Variants in KIAA1217 observed in about 807,000 individuals in gnomAD.
The protein encoded by KIAA1217 is sickle tail protein homolog.
In KIAA1217, 88 loss-of-function variants were observed where a neutral mutation model predicts 163.9. The observed-to-expected ratio is 0.54, with a 90% CI of 0.45 to 0.64. The LOEUF is 0.64. Ranked by LOEUF, KIAA1217 falls within the 30% of genes least tolerant of loss-of-function variation. KIAA1217 has a pLI of 0.00. For missense variants in KIAA1217, 2,372 were observed against 2,475.0 expected, an observed-to-expected ratio of 0.96 and a Z score of 0.88; for synonymous variants, 903 against 923.1, an observed-to-expected ratio of 0.98 and a Z score of 0.39.
chr10:23,920,039 G>A (rs372067398), intron 1 of KIAA1217, among the ~76,000 whole-genome samples: 1 of 152,296 alleles, frequency 6.6e-6, no homozygotes, highest in South Asian at 2.1e-4. Flanking sequence ...GTGACTTAAA[G>A]AGGCTTTGTC....
At chr10:23,916,461 T>A (rs1842635642) in intron 1 of KIAA1217, among the ~76,000 whole-genome samples, 1 of 152,196 alleles carries the variant, frequency 6.6e-6, no homozygotes. Flanking sequence ...TCACACCACT[T>A]TATATCTTCT....
At chr10:24,498,584 C>T (rs1033986997) in intron 8 of KIAA1217, among the ~76,000 whole-genome samples, 5 of 151,950 alleles carry the variant, frequency 3.3e-5, no homozygotes, top group African/African-American at 2.4e-5. Context: ...GCACTTTGGC[C>T]GAGGCAGGAG....
chr10:23,749,643 G>C (rs1427550845), intron 1 of KIAA1217, among the ~76,000 whole-genome samples: 1 of 152,210 alleles, frequency 6.6e-6, no homozygotes, highest in Non-Finnish European at 1.5e-5. Context: ...TTGACCTTGT[G>C]ATCTGCCCAC....
chr10:23,765,984 A>G (rs1834499526), intron 1 of KIAA1217, among the ~76,000 whole-genome samples: 1 of 152,212 alleles, frequency 6.6e-6, no homozygotes, highest in Admixed American at 6.5e-5. Flanking sequence ...GTAATTTTAA[A>G]TTTTTTGAAT....
intron 2 of KIAA1217, among the ~76,000 whole-genome samples, chr10:24,079,921 C>A (rs1425463052): frequency 1.3e-5 from 2 of 152,174 alleles, no homozygotes; most frequent in Non-Finnish European, 2.9e-5. Context: ...CCTGGCACAT[C>A]CAAGACTGGC....
At chr10:24,388,326 T>A (rs2054313492) in intron 3 of KIAA1217, among the ~76,000 whole-genome samples, 1 of 152,168 alleles carries the variant, frequency 6.6e-6, no homozygotes, top group Non-Finnish European at 1.5e-5. Flanking sequence ...ATTTATTTAA[T>A]AAATGGTGCC....
chr10:24,467,802 A>ATGTG (rs1391744122), intron 5 of KIAA1217, among the ~76,000 whole-genome samples: 5 of 136,740 alleles, frequency 3.7e-5, no homozygotes, highest in South Asian at 2.7e-4. Context: ...GTGTATGTGT[A>ATGTG]TGTGTGTGTG....
At chr10:24,344,197 A>G (rs1022946934) in intron 2 of KIAA1217, among the ~76,000 whole-genome samples, 1 of 152,250 alleles carries the variant, frequency 6.6e-6, no homozygotes, top group Non-Finnish European at 1.5e-5. Flanking sequence ...TTTTAAATAA[A>G]TAAGATAATG....
chr10:23,897,942 A>G (rs1198327457), intron 1 of KIAA1217, among the ~76,000 whole-genome samples: 1 of 152,002 alleles, frequency 6.6e-6, no homozygotes, highest in Non-Finnish European at 1.5e-5. Context: ...TTTTTTAAAA[A>G]CGCTCTCTCC....
intron 1 of KIAA1217, among the ~76,000 whole-genome samples, chr10:23,833,240 C>A (rs1838294664): frequency 6.6e-6 from 1 of 152,064 alleles, no homozygotes; most frequent in African/African-American, 2.4e-5. Context: ...ACAGTGAGTT[C>A]TCAATTAATT....
chr10:24,342,313 C>G (rs1327508203), intron 2 of KIAA1217, among the ~76,000 whole-genome samples: 1 of 152,180 alleles, frequency 6.6e-6, no homozygotes, highest in African/African-American at 2.4e-5. Context: ...AAAATGGCAG[C>G]TGACAGCAGA....
intron 6 of KIAA1217, among the ~76,000 whole-genome samples, chr10:24,477,827 G>A (rs1444577070): frequency 1.3e-5 from 2 of 152,188 alleles, no homozygotes; most frequent in East Asian, 1.9e-4. Flanking sequence ...AACAATTACC[G>A]AAGCACAAAA....
intron 13 of KIAA1217, among the ~76,000 whole-genome samples, chr10:24,526,096 T>G (rs1411631234): frequency 2.0e-5 from 3 of 152,234 alleles, no homozygotes; most frequent in African/African-American, 7.2e-5. Context: ...TTCTTTTTTC[T>G]TCTTGCCTCG....
At chr10:24,005,456 T>C (rs1846950930) in intron 1 of KIAA1217, among the ~76,000 whole-genome samples, 1 of 152,184 alleles carries the variant, frequency 6.6e-6, no homozygotes, top group Non-Finnish European at 1.5e-5. Context: ...TTTATGTCAT[T>C]GGGCAAAATA....
intron 1 of KIAA1217, among the ~76,000 whole-genome samples, chr10:23,696,365 CT>C (rs1396866054): frequency 6.6e-6 from 1 of 152,226 alleles, no homozygotes; most frequent in African/African-American, 2.4e-5. Context: ...GCTAAGGCAT[CT>C]TCTCCGAGAG....
intron 5 of KIAA1217, among the ~76,000 whole-genome samples, chr10:24,472,453 T>G (rs1164509688): frequency 6.6e-6 from 1 of 152,164 alleles, no homozygotes; most frequent in Admixed American, 6.5e-5. Flanking sequence ...GTATCCACTT[T>G]GAAAGATGGG....
upstream of KIAA1217, among the ~76,000 whole-genome samples, chr10:24,208,462 T>G (rs7922389): frequency 9.2e-5 from 14 of 151,774 alleles, no homozygotes; most frequent in Non-Finnish European, 1.5e-5. Flanking sequence ...AACTTTTTTT[T>G]AAAAAGTCCA....
chr10:23,718,940 C>T (rs1475558624), intron 1 of KIAA1217, among the ~76,000 whole-genome samples: 2 of 151,950 alleles, frequency 1.3e-5, no homozygotes, highest in Non-Finnish European at 2.9e-5. Context: ...CAAGAAATAT[C>T]ATTCAGTTAG....
intron 1 of KIAA1217, among the ~76,000 whole-genome samples, chr10:23,764,183 G>A (rs1834400068): frequency 6.6e-6 from 1 of 152,106 alleles, no homozygotes; most frequent in African/African-American, 2.4e-5. Context: ...ACGTTTCACA[G>A]CCAACTAACA....
Sources: allele counts gnomAD v4.1 joint callset (sites outside exome capture counted in the v4.1 genomes callset), GRCh38; gene constraint gnomAD v4.1.1; transcripts MANE v1.5; gene names NCBI Gene and HGNC (gene_info 2026-07-23, HGNC 2026-07-21).